Variants in CSF3 observed in about 807,000 individuals in gnomAD.
CSF3 encodes the protein colony stimulating factor 3.
In CSF3, 17 loss-of-function variants were observed where a neutral mutation model predicts 20.2. The ratio of observed to expected loss-of-function variants is 0.84; its 90% confidence interval spans 0.58 to 1.26. The LOEUF (loss-of-function observed/expected upper bound fraction) is 1.26, where lower values mean the gene tolerates loss of function less well. Among genes scored for constraint, CSF3 ranks in the 50% most tolerant of loss-of-function variants. The probability of loss-of-function intolerance (pLI) is 0.00; values close to 1 mark genes in which losing one functional copy is unlikely to be tolerated. For synonymous variants in CSF3, 125 were observed against 115.3 expected, an observed-to-expected ratio of 1.08 and a Z score of -0.54; for missense variants, 210 against 256.0, an observed-to-expected ratio of 0.82 and a Z score of 1.23.
In CSF3 at chr17:40,017,196, C is replaced by T; in HGVS notation, c.*237C>T. 1 of 406,242 alleles carries T rather than the reference C, an allele frequency of 2.5e-6. No individual in the cohort carries two copies. Among genetic ancestry groups the T allele is most frequent in the Non-Finnish European group, 4.3e-6 (1 of 230,656 alleles). The allele number at this position is 406,242 out of a possible 1,614,324, so 25.2% of individuals were successfully genotyped here. A position where few individuals can be genotyped will look rare whatever the true frequency, so the allele number is the denominator to read the frequency against. On this transcript the variant is annotated 3_prime_UTR_variant, in exon 5 of 5. Transcript: ENST00000394149. The stretch of plus-strand genomic sequence containing the variant: ...ATTTATTACTATGACTGCTCCCCAG[C>T]CCTGGCTCTGCAATGGGCACTGGGA...
At position 40,015,715 on chromosome 17, in the gene CSF3, G is replaced by A; in HGVS notation, c.65G>A (p.Ser22Asn). The part of the protein sequence containing the change: ...LMALQLLLWH[S>N]ALWTVQEATP... ...GCCCTGCAGCTGCTGCTGTGGCACA[G>A]TGCACTCTGGACAGTGCAGGAAGCC... The change falls in exon 2 of 5, where the codon AGT becomes AAT. Residue 22 changes from serine to asparagine, a missense_variant. Transcript: ENST00000394149. The A allele has an allele frequency of 2.5e-6, 4 of 1,591,366 alleles. No individual in the cohort carries two copies. Among genetic ancestry groups the A allele is most frequent in the African/African-American group, 1.3e-5 (1 of 74,658 alleles).
In CSF3 at chr17:40,016,320, C is replaced by T; in HGVS notation, c.283C>T (p.Pro95Ser). Residue 95 changes from proline to serine, a missense_variant, in exon 3 of 5, where the codon CCC (proline) becomes TCC (serine). Physicochemically the swap from Pro to Ser is moderately conservative, Grantham distance 74. Transcript: ENST00000394149. Reference protein sequence around the residue: ...GIPWAPLSSCPSQALQLAGCL... With the variant: ...GIPWAPLSSCSSQALQLAGCL... ...CCCCTGGGCTCCCCTGAGCAGCTGC[C>T]CCAGCCAGGCCCTGCAGCTGGTGAG... 1 of 1,611,926 alleles carries T rather than the reference C, an allele frequency of 6.2e-7. No homozygotes were observed. Among genetic ancestry groups the T allele is most frequent in the Non-Finnish European group, 8.5e-7 (1 of 1,179,018 alleles).
At position 40,016,477 on chromosome 17, in the gene CSF3, T is replaced by C; in HGVS notation, c.304-8T>C. On this transcript the variant is annotated splice_polypyrimidine_tract_variant and splice_region_variant and intron_variant, in intron 3 of 4. Coordinates refer to ENST00000394149, the MANE Select transcript of CSF3 (RefSeq NM_172219.3). ...AGCACCCCCTAACTCTTCCGCTCTGTCTCACAGGCAGGCTGCTTGAGCCAA... is the reference window on the plus strand; with the variant it reads ...AGCACCCCCTAACTCTTCCGCTCTGCCTCACAGGCAGGCTGCTTGAGCCAA... 1 of 1,614,078 alleles carries C rather than the reference T, an allele frequency of 6.2e-7. No individual in the cohort carries two copies. The highest frequency in any genetic ancestry group is 8.5e-7 in the Non-Finnish European group (1 of 1,179,972).
rs1414763585 is a variant in CSF3, at chr17:40,016,968, C to G, written c.*9C>G. 6.5e-7 allele frequency: 1 copy of G among 1,549,024 alleles called. No individual in the cohort carries two copies. Among genetic ancestry groups the G allele is most frequent in the Non-Finnish European group, 8.7e-7 (1 of 1,149,680 alleles). On this transcript the variant is annotated 3_prime_UTR_variant, in exon 5 of 5. Coordinates refer to ENST00000394149, the MANE Select transcript of CSF3 (RefSeq NM_172219.3). ...ACCTTGCCCAGCCCTGAGCCAAGCC[C>G]TCCCCATCCCATGTATTTATCTCTA...
At chr17:40,015,623 C>G (rs1981326691) in intron 1 of CSF3, 68 bp from the exon 2 acceptor site, 1 of 1,543,778 alleles carries the variant, frequency 6.5e-7, no homozygotes, top group African/African-American at 1.4e-5. Flanking sequence ...ATTAAAGGCA[C>G]CCAGTGTCCC....
rs777858691 is a variant in CSF3 at position 40,016,331 on chromosome 17, C to A, written c.294C>A (p.Ala98=). 1 of 1,612,526 alleles carries A rather than the reference C, an allele frequency of 6.2e-7. No homozygotes were observed. The highest frequency in any genetic ancestry group is 8.5e-7 in the Non-Finnish European group (1 of 1,179,154). Residue 98 remains alanine (A), a synonymous_variant, in exon 3 of 5, where the codon GCC becomes GCA. Coordinates refer to ENST00000394149, the MANE Select transcript of CSF3 (RefSeq NM_172219.3). ...CCCTGAGCAGCTGCCCCAGCCAGGC[C>A]CTGCAGCTGGTGAGTGTCAGGAAAG... The part of the protein sequence containing the change: ...WAPLSSCPSQ[A]LQLAGCLSQL...
rs539863201 is a variant in CSF3, at chr17:40,016,355, AG to A, written c.303+17del. 2.6e-4 allele frequency: 424 copies of A among 1,611,380 alleles called. 1 individual carries two copies. The African/African-American group carries it at 5.0e-3, about 19-fold the overall frequency. On this transcript the variant is annotated intron_variant, in intron 3 of 4. Transcript: ENST00000394149. ...CCCTGCAGCTGGTGAGTGTCAGGAA[AG>A]GATAAGGCTAATGAGGAGGGGGAAG... is the stretch of plus-strand genomic sequence containing the variant.
Position 40,016,229 on chromosome 17 carries a change from C to G in CSF3, c.196-4C>G. The G allele has an allele frequency of 1.3e-6, 2 of 1,542,988 alleles. No individual in the cohort carries two copies. Among genetic ancestry groups the G allele is most frequent in the Non-Finnish European group, 8.8e-7 (1 of 1,142,288 alleles). ...AGTCTCACTCAGCATCCTTCCATCCCCAGTGTGCCACCTACAAGCTGTGCC... is the reference window on the plus strand; with the variant it reads ...AGTCTCACTCAGCATCCTTCCATCCGCAGTGTGCCACCTACAAGCTGTGCC... On this transcript the variant is annotated splice_polypyrimidine_tract_variant and splice_region_variant and intron_variant, in intron 2 of 4. Transcript: ENST00000394149.
In CSF3 at chr17:40,016,971, C is replaced by T. The variant is rs1981439726; in HGVS notation, c.*12C>T. 2 of 1,547,060 alleles carry T rather than the reference C, an allele frequency of 1.3e-6. No individual in the cohort carries two copies. Among genetic ancestry groups the T allele is most frequent in the South Asian group, 1.2e-5 (1 of 81,414 alleles). ...TTGCCCAGCCCTGAGCCAAGCCCTC[C>T]CCATCCCATGTATTTATCTCTATTT... On this transcript the variant is annotated 3_prime_UTR_variant, in exon 5 of 5. Transcript: ENST00000394149.
intron 1 of CSF3, 57 bp downstream of exon 1, chr17:40,015,571 G>T: frequency 6.5e-7 from 1 of 1,549,538 alleles, no homozygotes; most frequent in South Asian, 1.2e-5. Context: ...GAGGGAGGCT[G>T]GTGTGACAGA....
Position 40,015,519 on chromosome 17 carries a change from G to A in CSF3, c.40+5G>A. 1.3e-6 allele frequency: 2 copies of A among 1,551,250 alleles called. No individual in the cohort carries two copies. The highest frequency in any genetic ancestry group is 1.2e-5 in the South Asian group (1 of 84,050). ...AGAGCCCCATGAAGCTGATGGGTGA[G>A]TGTCTTGGCCCAGGATGGGAGAGCC... On this transcript the variant is annotated splice_donor_5th_base_variant and intron_variant, in intron 1 of 4. Transcript: ENST00000394149.
At position 40,016,481 on chromosome 17, in the gene CSF3, A is replaced by T; in HGVS notation, c.304-4A>T. 1 of 1,614,082 alleles carries T rather than the reference A, an allele frequency of 6.2e-7. No individual in the cohort carries two copies. Among genetic ancestry groups the T allele is most frequent in the Non-Finnish European group, 8.5e-7 (1 of 1,179,956 alleles). ...CCCCCTAACTCTTCCGCTCTGTCTCACAGGCAGGCTGCTTGAGCCAACTCC... is the reference window on the plus strand; with the variant it reads ...CCCCCTAACTCTTCCGCTCTGTCTCTCAGGCAGGCTGCTTGAGCCAACTCC... On this transcript the variant is annotated splice_polypyrimidine_tract_variant and splice_region_variant and intron_variant, in intron 3 of 4. Transcript: ENST00000394149.
In CSF3 at chr17:40,017,153, G is replaced by A. The variant is rs150633480; in HGVS notation, c.*194G>A. The A allele has an allele frequency of 1.4e-4, 78 of 544,040 alleles. No individual in the cohort carries two copies. Among genetic ancestry groups the A allele is most frequent in the African/African-American group, 1.4e-3 (72 of 51,178 alleles). 33.7% of individuals were successfully genotyped at this position (544,040 alleles called of 1,614,324 possible). ...CTCCCATCCCCTGGACTGGGAGGTAGATAGGTAAATACCAAGTATTTATTA... is the reference window on the plus strand; with the variant it reads ...CTCCCATCCCCTGGACTGGGAGGTAAATAGGTAAATACCAAGTATTTATTA... On this transcript the variant is annotated 3_prime_UTR_variant, in exon 5 of 5. Coordinates refer to ENST00000394149, the MANE Select transcript of CSF3 (RefSeq NM_172219.3).
intron 4 of CSF3, 30 bp from the exon 5 acceptor site, chr17:40,016,765 C>T: frequency 6.2e-7 from 1 of 1,612,914 alleles, no homozygotes; most frequent in Non-Finnish European, 8.5e-7. Context: ...TCAGAAGGGC[C>T]CAACCACTGA....
chr17:40,017,188 C>T lies in CSF3; in HGVS notation c.*229C>T, dbSNP rs1289987502. 4 of 423,262 alleles carry T rather than the reference C, an allele frequency of 9.5e-6. No individual in the cohort carries two copies. Among genetic ancestry groups the T allele is most frequent in the Non-Finnish European group, 1.7e-5 (4 of 241,532 alleles). The allele number at this position is 423,262 out of a possible 1,614,324, so 26.2% of individuals were successfully genotyped here. ...TACCAAGTATTTATTACTATGACTGCTCCCCAGCCCTGGCTCTGCAATGGG... is the reference window on the plus strand; with the variant it reads ...TACCAAGTATTTATTACTATGACTGTTCCCCAGCCCTGGCTCTGCAATGGG... On this transcript the variant is annotated 3_prime_UTR_variant, in exon 5 of 5. Transcript: ENST00000394149.
At chr17:40,015,942 G>A in intron 2 of CSF3, 97 bp downstream of exon 2, 2 of 1,452,876 alleles carry the variant, frequency 1.4e-6, no homozygotes, top group South Asian at 1.4e-5. Context: ...AAGGGACGTG[G>A]GAGAATATTA....
In CSF3 at chr17:40,016,224, C is replaced by T. The variant is rs1193130054; in HGVS notation, c.196-9C>T. ...TGGCGAGTCTCACTCAGCATCCTTC[C>T]ATCCCCAGTGTGCCACCTACAAGCT... On this transcript the variant is annotated splice_polypyrimidine_tract_variant and intron_variant, in intron 2 of 4. Coordinates refer to ENST00000394149, the MANE Select transcript of CSF3 (RefSeq NM_172219.3). 6.5e-7 allele frequency: 1 copy of T among 1,536,572 alleles called. No homozygotes were observed. Among genetic ancestry groups the T allele is most frequent in the East Asian group, 2.4e-5 (1 of 40,960 alleles).
rs764728755 is a variant in CSF3, at chr17:40,016,646, G to C, written c.450+15G>C. Reference sequence around the variant, plus strand: ...TCTGGCAGCAGGTGAGCCTTGTTGGGCAGGGTGGCCAAGGTCGTGCTGGCA... The same window carrying C: ...TCTGGCAGCAGGTGAGCCTTGTTGGCCAGGGTGGCCAAGGTCGTGCTGGCA... On this transcript the variant is annotated intron_variant, in intron 4 of 4. Transcript: ENST00000394149. The C allele has an allele frequency of 1.2e-6, 2 of 1,613,744 alleles. No homozygotes were observed. Among genetic ancestry groups the C allele is most frequent in the South Asian group, 2.2e-5 (2 of 91,088 alleles).
In CSF3 at chr17:40,015,829, C is replaced by A. The variant is rs780723122; in HGVS notation, c.179C>A (p.Ala60Glu). ...QVRKIQGDGA[A>E]LQEKLCATYK... ...AGGAAGATCCAGGGCGATGGCGCAG[C>A]GCTCCAGGAGAAGCTGGTGAGTGAG... is the stretch of plus-strand genomic sequence containing the variant. The change falls in exon 2 of 5, where the codon GCG becomes GAG. Residue 60 changes from alanine to glutamate, a missense_variant. Physicochemically the swap from Ala to Glu is moderately radical, Grantham distance 107 (BLOSUM62 -1). Transcript: ENST00000394149. 1 of 1,608,870 alleles carries A rather than the reference C, an allele frequency of 6.2e-7. No homozygotes were observed. The highest frequency in any genetic ancestry group is 1.1e-5 in the South Asian group (1 of 90,576).
Sources: allele counts gnomAD v4.1 joint callset, GRCh38; gene constraint gnomAD v4.1.1; transcripts MANE v1.5; gene names NCBI Gene and HGNC (gene_info 2026-07-23, HGNC 2026-07-21).